ANKRD33B: variants seen among roughly 807,000 people sequenced by gnomAD.
ANKRD33B encodes ankyrin repeat domain-containing protein 33B.
In ANKRD33B, 6 loss-of-function variants were observed where a neutral mutation model predicts 21.5. The ratio of observed to expected loss-of-function variants is 0.28; its 90% CI spans 0.15 to 0.55. The LOEUF (loss-of-function observed/expected upper bound fraction) is 0.55. Among genes scored for constraint, ANKRD33B ranks in the 20% least tolerant of loss-of-function variants. The probability of loss-of-function intolerance (pLI) is 0.94; values close to 1 mark genes in which losing one functional copy is unlikely to be tolerated. For synonymous variants in ANKRD33B, 347 were observed against 342.4 expected (o/e 1.01, Z -0.15); for missense variants, 698 against 747.2 (o/e 0.93, Z 0.77).
At chr5:10,621,604 A>T (rs139103861) in intron 2 of ANKRD33B, among the ~76,000 whole-genome samples, 1 of 152,312 alleles carries the variant, frequency 6.6e-6, no homozygotes, top group East Asian at 1.9e-4. Context: ...GAAAGTGAAA[A>T]CTCATTAATT....
At position 10,582,958 on chromosome 5, in the gene ANKRD33B, G is replaced by C. The variant is rs1382105258; in HGVS notation, c.366+18125G>C. On this transcript the variant is annotated intron_variant, in intron 1 of 3. Transcript: ENST00000296657. ...TCTGCCCTGTGCAGTCCGGCAGTTT[G>C]TCGCACATGGTTGGTGGATGATTGT... 2.7e-5 allele frequency among the ~76,000 whole-genome samples: 4 copies of C among 149,064 alleles called. No individual in the cohort carries two copies. In the East Asian group the frequency reaches 7.8e-4, roughly 29 times the overall value.
chr5:10,636,124 A>T lies in ANKRD33B; in HGVS notation c.497-1904A>T, dbSNP rs537764396. Among the ~76,000 whole-genome samples, 6 of 152,282 alleles carry T rather than the reference A, an allele frequency of 3.9e-5. No individual in the cohort carries two copies. In the South Asian group the frequency reaches 1.2e-3, roughly 32 times the overall value. On this transcript the variant is annotated intron_variant, in intron 2 of 3. Coordinates refer to ENST00000296657, the MANE Select transcript of ANKRD33B (RefSeq NM_001164440.2). ...CTGTGCAAACCAGATGCCTGTGGAG[A>T]TTCTGGGCCCAGGGCCCGGCTTCTC...
chr5:10,577,691 T>C (rs1735354640), intron 1 of ANKRD33B, among the ~76,000 whole-genome samples: 1 of 152,212 alleles, frequency 6.6e-6, no homozygotes, highest in Non-Finnish European at 1.5e-5. Flanking sequence ...CGAGAGACAA[T>C]AGTCATCTCC....
At chr5:10,572,446 T>C (rs1735220192) in intron 1 of ANKRD33B, among the ~76,000 whole-genome samples, 1 of 152,136 alleles carries the variant, frequency 6.6e-6, no homozygotes, top group Admixed American at 6.5e-5. Context: ...ACAGAGCATC[T>C]CATTCTACCC....
intron 1 of ANKRD33B, among the ~76,000 whole-genome samples, chr5:10,618,055 C>A (rs1736325961): frequency 6.6e-6 from 1 of 152,186 alleles, no homozygotes; most frequent in South Asian, 2.1e-4. Flanking sequence ...TGGTGTGTTT[C>A]CCTCCCTGGA....
intron 1 of ANKRD33B, among the ~76,000 whole-genome samples, chr5:10,591,471 C>T (rs1579720968): frequency 1.3e-5 from 2 of 152,078 alleles, no homozygotes; most frequent in Non-Finnish European, 1.5e-5. Flanking sequence ...TGTCCCGCAC[C>T]GAGCCTTTTT....
Position 10,656,885 on chromosome 5 carries a change from A to G in ANKRD33B, c.*6772A>G, listed in dbSNP as rs1026419775. 2 of 152,256 alleles carry G rather than the reference A, an allele frequency of 1.3e-5. No homozygotes were observed. The highest frequency in any genetic ancestry group is 2.4e-5 in the African/African-American group (1 of 41,406). The allele number at this position is 152,256 out of a possible 1,614,324, so 9.4% of individuals were successfully genotyped here. On this transcript the variant is annotated 3_prime_UTR_variant, in exon 4 of 4. Transcript: ENST00000296657. ...CCCTGGTATTTCCCCAAGTCTGCCT[A>G]TGTATTAGACACTCTAATCAATGCT...
At chr5:10,583,457 G>C (rs966132839) in intron 1 of ANKRD33B, among the ~76,000 whole-genome samples, 3 of 152,236 alleles carry the variant, frequency 2.0e-5, no homozygotes, top group African/African-American at 7.2e-5. Context: ...ATGGCAAGGT[G>C]CTGAGTAGCA....
intron 1 of ANKRD33B, among the ~76,000 whole-genome samples, chr5:10,572,498 G>A (rs1735221181): frequency 6.6e-6 from 1 of 152,194 alleles, no homozygotes. Flanking sequence ...GTGATGAATG[G>A]ATGAAGTTAC....
chr5:10,645,362 G>A (rs918948632), intron 3 of ANKRD33B, among the ~76,000 whole-genome samples: 4 of 152,192 alleles, frequency 2.6e-5, no homozygotes, highest in African/African-American at 9.7e-5. Context: ...CACATTCAGG[G>A]CTTCACGCTC....
At chr5:10,626,125 G>C (rs992982223) in intron 2 of ANKRD33B, among the ~76,000 whole-genome samples, 1 of 152,222 alleles carries the variant, frequency 6.6e-6, no homozygotes, top group African/African-American at 2.4e-5. Context: ...GGAGTGGGAG[G>C]CAGGGCCAGA....
intron 1 of ANKRD33B, among the ~76,000 whole-genome samples, chr5:10,593,370 T>C (rs1188813283): frequency 2.0e-5 from 3 of 152,208 alleles, no homozygotes; most frequent in South Asian, 2.1e-4. Flanking sequence ...GTACCATCAA[T>C]GAATGTACGA....
chr5:10,626,180 A>G (rs1489668199), intron 2 of ANKRD33B, among the ~76,000 whole-genome samples: 1 of 152,240 alleles, frequency 6.6e-6, no homozygotes, highest in Non-Finnish European at 1.5e-5. Context: ...CCAACCCAGA[A>G]ACCTCATTGG....
chr5:10,628,487 A>C (rs1027270292), intron 2 of ANKRD33B, among the ~76,000 whole-genome samples: 4 of 151,662 alleles, frequency 2.6e-5, no homozygotes, highest in Non-Finnish European at 4.4e-5. Flanking sequence ...CGGCCAGCCC[A>C]GCTAATTTTT....
chr5:10,649,542 T>C lies in ANKRD33B; in HGVS notation c.914T>C (p.Leu305Pro). 1 of 1,530,886 alleles carries C rather than the reference T, an allele frequency of 6.5e-7. No homozygotes were observed. The highest frequency in any genetic ancestry group is 8.7e-7 in the Non-Finnish European group (1 of 1,144,370). The allele number at this position is 1,530,886 out of a possible 1,614,324, so 94.8% of individuals were successfully genotyped here. Residue 305 changes from leucine to proline, a missense_variant, in exon 4 of 4, where the codon CTG (leucine) becomes CCG (proline). Transcript: ENST00000296657. Reference sequence around the variant, plus strand: ...CGGGGCCCGGAGGACGGGGGCGTCCTGGACCACATGGTCCGGATGACCACG... The same window carrying C: ...CGGGGCCCGGAGGACGGGGGCGTCCCGGACCACATGGTCCGGATGACCACG... The part of the protein sequence containing the change: ...SVRGPEDGGV[L>P]DHMVRMTTSL...
chr5:10,621,452 C>T (rs1206961597), intron 2 of ANKRD33B, among the ~76,000 whole-genome samples: 1 of 152,220 alleles, frequency 6.6e-6, no homozygotes, highest in Non-Finnish European at 1.5e-5. Flanking sequence ...ATATGCTTCC[C>T]CCATTCTTTG....
At chr5:10,602,778 C>A (rs184264755) in intron 1 of ANKRD33B, among the ~76,000 whole-genome samples, 7 of 151,914 alleles carry the variant, frequency 4.6e-5, no homozygotes, top group East Asian at 3.9e-4. Flanking sequence ...GTCTATAGAT[C>A]CTGAAGGTCC....
At chr5:10,611,565 G>C (rs949146093) in intron 1 of ANKRD33B, among the ~76,000 whole-genome samples, 1 of 152,112 alleles carries the variant, frequency 6.6e-6, no homozygotes, top group Middle Eastern at 3.2e-3. Context: ...TCTGACCTGC[G>C]GTGCTGGGGC....
intron 2 of ANKRD33B, among the ~76,000 whole-genome samples, chr5:10,626,286 A>G (rs894761222): frequency 6.6e-6 from 1 of 152,218 alleles, no homozygotes; most frequent in East Asian, 1.9e-4. Flanking sequence ...ACACTCTTAG[A>G]ACAGAATTGC....
Sources: gnomAD v4.1 joint callset for allele counts (sites outside exome capture counted in the v4.1 genomes callset) on GRCh38, gnomAD v4.1.1 for gene constraint, MANE v1.5 for transcripts, NCBI Gene and HGNC (gene_info 2026-07-23, HGNC 2026-07-21) for gene names.